Variants in TIAM1 observed in about 807,000 individuals in gnomAD.
The protein encoded by TIAM1 is TIAM Rac1 associated GEF 1, also known as rho guanine nucleotide exchange factor TIAM1.
Under a neutral mutation model 163.5 loss-of-function variants are expected in TIAM1, and 65 were observed. The observed-to-expected ratio is 0.40, with a 90% CI of 0.33 to 0.49. TIAM1 has a LOEUF of 0.49. Among genes scored for constraint, TIAM1 ranks in the 20% least tolerant of loss-of-function variants. The pLI, the probability that TIAM1 is intolerant of heterozygous loss-of-function variation, is 0.77. For synonymous variants in TIAM1, 833 were observed against 810.1 expected (o/e 1.03, Z -0.48); for missense variants, 1,789 against 2,044.7 (o/e 0.87, Z 2.41).
intron 23 of TIAM1, 46 bp from the exon 24 acceptor site, chr21:31,130,994 G>T: frequency 6.4e-7 from 1 of 1,561,944 alleles, no homozygotes; most frequent in Non-Finnish European, 8.8e-7. Context: ...CATGTGTAGG[G>T]TTTTCCCCTT....
intron 2 of TIAM1, among the ~76,000 whole-genome samples, chr21:31,322,467 C>T (rs1049271654): frequency 5.9e-5 from 9 of 151,572 alleles, no homozygotes; most frequent in Non-Finnish European, 8.8e-5. Context: ...GTGCCATCAT[C>T]TGCCATCTTA....
At chr21:31,438,978 G>A (rs770874752) in intron 2 of TIAM1, among the ~76,000 whole-genome samples, 6 of 152,230 alleles carry the variant, frequency 3.9e-5, no homozygotes, top group South Asian at 2.1e-4. Context: ...GATAATAAAC[G>A]CAAGAAAGAG....
At chr21:31,310,084 C>G (rs1278800549) in intron 2 of TIAM1, among the ~76,000 whole-genome samples, 1 of 152,194 alleles carries the variant, frequency 6.6e-6, no homozygotes, top group East Asian at 1.9e-4. Flanking sequence ...AAATCAATTC[C>G]TTTTTCACCT....
At chr21:31,549,685 G>T (rs930057502) in intron 1 of TIAM1, among the ~76,000 whole-genome samples, 1 of 152,162 alleles carries the variant, frequency 6.6e-6, no homozygotes, top group African/African-American at 2.4e-5. Flanking sequence ...CAAAGATGTG[G>T]GAAAATTGGA....
Position 31,430,247 on chromosome 21 carries a change from T to TATATAC in TIAM1, c.-369+33735_-369+33736insGTATAT, listed in dbSNP as rs1491352162. ...AAAAATATATATATATATATATATA[T>TATATAC]ACACACACACACACACACACACACA... On this transcript the variant is annotated intron_variant, in intron 2 of 28. Coordinates refer to the TIAM1 transcript ENST00000286827. Among the ~76,000 whole-genome samples, 179 of 106,876 alleles carry TATATAC rather than the reference T, an allele frequency of 1.7e-3. 2 individuals carry two copies. Among genetic ancestry groups the TATATAC allele is most frequent in the Middle Eastern group, 0.01 (2 of 194 alleles). The allele number at this position is 106,876 out of a possible 152,430, so 70.1% of individuals were successfully genotyped here.
chr21:31,250,805 C>T (rs1397860981), intron 5 of TIAM1, among the ~76,000 whole-genome samples: 2 of 152,170 alleles, frequency 1.3e-5, no homozygotes, highest in Non-Finnish European at 2.9e-5. Flanking sequence ...AGGATGTATG[C>T]AGTACGTGCA....
intron 13 of TIAM1, among the ~76,000 whole-genome samples, chr21:31,194,413 T>G (rs1026165334): frequency 6.6e-6 from 1 of 152,196 alleles, no homozygotes; most frequent in African/African-American, 2.4e-5. Context: ...GAAGGGAGGA[T>G]AATGTAGGAT....
intron 2 of TIAM1, among the ~76,000 whole-genome samples, chr21:31,413,650 A>T (rs1003791394): frequency 6.6e-6 from 1 of 152,168 alleles, no homozygotes; most frequent in African/African-American, 2.4e-5. Context: ...GAATACGATT[A>T]AATTGATTAT....
chr21:31,362,444 C>T (rs190234957), intron 2 of TIAM1, among the ~76,000 whole-genome samples: 1,049 of 89,460 alleles, frequency 0.012, 9 homozygotes, highest in African/African-American at 0.045. Flanking sequence ...AATGCAGTGA[C>T]AATTATTATT....
chr21:31,512,982 T>G (rs1178845019), intron 1 of TIAM1, among the ~76,000 whole-genome samples: 2 of 152,078 alleles, frequency 1.3e-5, no homozygotes, highest in Non-Finnish European at 2.9e-5. Context: ...AACTATAATG[T>G]TCTAAAATAA....
intron 15 of TIAM1, among the ~76,000 whole-genome samples, chr21:31,182,027 TCCTGCTTCCACCTC>T (rs1311965618): frequency 6.6e-6 from 1 of 151,100 alleles, no homozygotes; most frequent in African/African-American, 2.4e-5. Flanking sequence ...CAAGGTATCC[TCCTGCTTCCACCTC>T]CCAAGTGCTG....
Position 31,395,743 on chromosome 21 carries a change from T to C in TIAM1, c.-368-56321A>G, listed in dbSNP as rs1025902776. On this transcript the variant is annotated intron_variant, in intron 2 of 28. Transcript: ENST00000286827. The surrounding 1 kb of genome is among the most constrained non-coding windows in gnomAD (Gnocchi z 7.5). ...CTGGCTGTCGCGTGAAAATTTTTGC[T>C]TTATAAATTGGGGAGGTTATTAAAA... 5.3e-5 allele frequency among the ~76,000 whole-genome samples: 8 copies of C among 152,138 alleles called. No homozygotes were observed. Among genetic ancestry groups the C allele is most frequent in the African/African-American group, 1.7e-4 (7 of 41,432 alleles).
chr21:31,255,147 C>T (rs1305760415), intron 4 of TIAM1, among the ~76,000 whole-genome samples: 1 of 152,212 alleles, frequency 6.6e-6, no homozygotes, highest in Non-Finnish European at 1.5e-5. Flanking sequence ...GGTAAAAGAC[C>T]TGCGGGCCCC....
chr21:31,452,597 TAA>T (rs2147329349), intron 2 of TIAM1: 1 of 571,110 alleles, frequency 1.8e-6, no homozygotes, highest in South Asian at 1.8e-5. Flanking sequence ...GATATAGCAC[TAA>T]GTTATGTGCA....
In TIAM1 at chr21:31,164,973, G is replaced by A; in HGVS notation, c.2980C>T (p.His994Tyr). The part of the protein sequence containing the change: ...PDLESSDETD[H>Y]SSKSTEQVAA... ...TGAAAATCTCTCACCTTGCTGCTGT[G>A]ATCAGTCTCATCTGAGGATTCCAAG... The change falls in exon 16 of 28, where the codon CAC becomes TAC. Residue 994 changes from histidine (H) to tyrosine (Y), a missense_variant. By Grantham distance (83) the His-to-Tyr change is moderately conservative. Transcript: ENST00000541036. The A allele has an allele frequency of 6.2e-7, 1 of 1,614,088 alleles. No homozygotes were observed. The highest frequency in any genetic ancestry group is 8.5e-7 in the Non-Finnish European group (1 of 1,180,018).
chr21:31,434,926 A>G (rs1008162840), intron 2 of TIAM1, among the ~76,000 whole-genome samples: 2 of 152,222 alleles, frequency 1.3e-5, no homozygotes, highest in African/African-American at 4.8e-5. Flanking sequence ...GAACTAATTA[A>G]TTACTTAGTA....
intron 13 of TIAM1, 132 bp from the exon 14 acceptor site, chr21:31,187,219 G>T: frequency 1.3e-6 from 1 of 782,304 alleles, no homozygotes; most frequent in Non-Finnish European, 2.1e-6. Flanking sequence ...GTTTTTTCTT[G>T]TTTTACATAG....
At position 31,313,573 on chromosome 21, in the gene TIAM1, T is replaced by C. The variant is rs542353636; in HGVS notation, c.-189+25670A>G. ...TTTATTAAAAAATTCAGGAGTTCAA[T>C]AGAGCACACTTTATTTTTTTTGAGA... On this transcript the variant is annotated intron_variant, in intron 2 of 27. Transcript: ENST00000541036. Among the ~76,000 whole-genome samples the C allele has an allele frequency of 1.5e-3, 229 of 152,312 alleles. 1 individual carries two copies. The highest frequency in any genetic ancestry group is 5.3e-3 in the African/African-American group (220 of 41,576).
chr21:31,166,427 T>C (rs945002687), intron 15 of TIAM1, among the ~76,000 whole-genome samples: 1 of 152,208 alleles, frequency 6.6e-6, no homozygotes, highest in Non-Finnish European at 1.5e-5. Context: ...AGCTGTAAGC[T>C]GCCTGGCAAC....
Sources: gnomAD v4.1 joint callset for allele counts (sites outside exome capture counted in the v4.1 genomes callset) on GRCh38, gnomAD v4.1.1 for gene constraint, Gnocchi (gnomAD v3.1) non-coding constraint, MANE v1.5 for transcripts, NCBI Gene and HGNC (gene_info 2026-07-23, HGNC 2026-07-21) for gene names.